Variants in NRXN3 observed in about 807,000 individuals in gnomAD.
NRXN3 encodes neurexin 3.
In NRXN3, 32 loss-of-function variants were observed where a neutral mutation model predicts 137.6. The ratio of observed to expected loss-of-function variants is 0.23; its 90% CI spans 0.18 to 0.31. NRXN3 has a LOEUF of 0.31. NRXN3 is among the 10% of genes least tolerant of loss of function. The pLI is 1.00. For missense variants in NRXN3, 1,574 were observed against 2,062.5 expected, an observed-to-expected ratio of 0.76 and a Z score of 4.59; for synonymous variants, 798 against 784.5, an observed-to-expected ratio of 1.02 and a Z score of -0.29.
intron 20 of NRXN3, among the ~76,000 whole-genome samples, chr14:79,834,490 G>A (rs2099331271): frequency 6.6e-6 from 1 of 152,078 alleles, no homozygotes; most frequent in Non-Finnish European, 1.5e-5. Flanking sequence ...GGACGTCACA[G>A]CTAAAGACAC....
At chr14:79,716,356 C>G (rs1477452822) in intron 19 of NRXN3, among the ~76,000 whole-genome samples, 1 of 152,154 alleles carries the variant, frequency 6.6e-6, no homozygotes, top group Non-Finnish European at 1.5e-5. Flanking sequence ...TTGAACAGAT[C>G]ATATAATGGT....
At chr14:78,734,248 CACACA>C (rs1567176479) in intron 8 of NRXN3, among the ~76,000 whole-genome samples, 416 of 146,592 alleles carry the variant, frequency 2.8e-3, no homozygotes, top group Middle Eastern at 7.1e-3. Flanking sequence ...CACACACACA[CACACA>C]CCCTTTTCAT....
At chr14:78,224,599 A>G in intron 1 of NRXN3, among the ~76,000 whole-genome samples, 1 of 152,156 alleles carries the variant, frequency 6.6e-6, no homozygotes, top group East Asian at 1.9e-4. Flanking sequence ...TTCAAAGGAC[A>G]TGAACTCATC....
intron 15 of NRXN3, among the ~76,000 whole-genome samples, chr14:79,188,086 C>T (rs1056658980): frequency 2.0e-5 from 3 of 152,132 alleles, no homozygotes; most frequent in African/African-American, 7.2e-5. Context: ...TCCCTTATTC[C>T]TTCATTCAAC....
At chr14:79,267,741 C>T (rs956079227) in intron 15 of NRXN3, among the ~76,000 whole-genome samples, 1 of 152,110 alleles carries the variant, frequency 6.6e-6, no homozygotes, top group African/African-American at 2.4e-5. Flanking sequence ...GACTTGGCCT[C>T]CCAAACTGCT....
chr14:79,515,741 A>C (rs2096977365), intron 16 of NRXN3, among the ~76,000 whole-genome samples: 1 of 152,164 alleles, frequency 6.6e-6, no homozygotes, highest in South Asian at 2.1e-4. Flanking sequence ...AGGGGGAAAA[A>C]GTCTCTTTCC....
chr14:79,247,769 C>T (rs1266758065), intron 15 of NRXN3, among the ~76,000 whole-genome samples: 2 of 151,894 alleles, frequency 1.3e-5, no homozygotes, highest in East Asian at 1.9e-4. Flanking sequence ...TATTTTTTAA[C>T]ATGCATTTAT....
At chr14:79,077,782 A>C (rs1289136520) in intron 15 of NRXN3, among the ~76,000 whole-genome samples, 1 of 152,194 alleles carries the variant, frequency 6.6e-6, no homozygotes, top group Non-Finnish European at 1.5e-5. Context: ...TCTGTGGTAT[A>C]ATATTGCACC....
chr14:79,662,753 A>C (rs1443870274), intron 16 of NRXN3, among the ~76,000 whole-genome samples: 1 of 152,082 alleles, frequency 6.6e-6, no homozygotes, highest in East Asian at 1.9e-4. Context: ...AGCAGGAACA[A>C]GAGAGACACA....
At chr14:78,925,817 C>T (rs1397745931) in intron 10 of NRXN3, among the ~76,000 whole-genome samples, 1 of 152,178 alleles carries the variant, frequency 6.6e-6, no homozygotes, top group Non-Finnish European at 1.5e-5. Flanking sequence ...AGACTCCTCC[C>T]TTTCCTAGCT....
intron 15 of NRXN3, among the ~76,000 whole-genome samples, chr14:79,244,898 T>C (rs1052296144): frequency 1.3e-5 from 2 of 152,160 alleles, no homozygotes; most frequent in African/African-American, 4.8e-5. Flanking sequence ...GAAGCCGATA[T>C]CTGTTCAGTG....
Position 79,434,863 on chromosome 14 carries a change from C to T in NRXN3, c.3263-32358C>T, listed in dbSNP as rs56187621. ...TCTGAGATGACCTAAATTGCATAAA[C>T]GGATCTGAGTCTTTGTACCTCCCGT... On this transcript the variant is annotated intron_variant, in intron 15 of 20. Coordinates refer to ENST00000335750, the MANE Select transcript of NRXN3 (RefSeq NM_001330195.2). Among the ~76,000 whole-genome samples, 1,655 of 152,262 alleles carry T rather than the reference C, an allele frequency of 0.011. 92 individuals carry two copies. The East Asian group carries it at 0.17, about 16-fold the overall frequency.
rs147472392 is a variant in NRXN3 at position 78,957,310 on chromosome 14, G to T, written c.2344G>T (p.Val782Leu). 3 of 1,614,028 alleles carry T rather than the reference G, an allele frequency of 1.9e-6. No homozygotes were observed. The Admixed American group carries it at 5.0e-5, about 27-fold the overall frequency. ...CAACGAGTGGCACACCGTTCGGGTG[G>T]TGCGGAGAGGAAAAAGCCTTAAGTT... Reference protein sequence around the residue: ...NDNEWHTVRVVRRGKSLKLTV... With the variant: ...NDNEWHTVRVLRRGKSLKLTV... The change falls in exon 11 of 21, where the codon GTG becomes TTG. Residue 782 changes from valine (V) to leucine (L), a missense_variant. Around this residue, in one of 5 missense-constraint regions of NRXN3, gnomAD observed 718 missense variants for 887.6 expected, o/e 0.81. Coordinates refer to ENST00000335750, the MANE Select transcript of NRXN3 (RefSeq NM_001330195.2).
chr14:79,322,989 G>A (rs185205780), intron 15 of NRXN3, among the ~76,000 whole-genome samples: 6 of 152,300 alleles, frequency 3.9e-5, no homozygotes, highest in Admixed American at 1.3e-4. Context: ...GGCAGGGGAT[G>A]GATGAGGGCT....
At chr14:79,767,564 A>G (rs2099060260) in intron 19 of NRXN3, among the ~76,000 whole-genome samples, 1 of 152,232 alleles carries the variant, frequency 6.6e-6, no homozygotes, top group South Asian at 2.1e-4. Context: ...CATCATCTAT[A>G]CCATCATTAT....
At chr14:78,350,631 T>A (rs1175434216) in intron 4 of NRXN3, among the ~76,000 whole-genome samples, 1 of 152,118 alleles carries the variant, frequency 6.6e-6, no homozygotes, top group Non-Finnish European at 1.5e-5. Flanking sequence ...ACAGTTAGAT[T>A]TGCATTTTTT....
intron 20 of NRXN3, among the ~76,000 whole-genome samples, chr14:79,860,376 TAGTC>T (rs2099411758): frequency 1.3e-5 from 2 of 152,218 alleles, no homozygotes; most frequent in Admixed American, 6.5e-5. Flanking sequence ...TGTCATTTAA[TAGTC>T]AGGGGGATTT....
intron 19 of NRXN3, among the ~76,000 whole-genome samples, chr14:79,799,531 A>G (rs913435389): frequency 9.2e-5 from 14 of 152,198 alleles, no homozygotes; most frequent in African/African-American, 3.1e-4. Context: ...TTCAAGAACA[A>G]CATAGCTCAA....
At chr14:78,638,177 A>G (rs2097582846) in intron 4 of NRXN3, among the ~76,000 whole-genome samples, 1 of 152,176 alleles carries the variant, frequency 6.6e-6, no homozygotes, top group Non-Finnish European at 1.5e-5. Context: ...GGCAGTGTGG[A>G]AAAGTCTATT....
Sources: allele counts gnomAD v4.1 joint callset (sites outside exome capture counted in the v4.1 genomes callset), GRCh38; gene constraint gnomAD v4.1.1; regional missense constraint gnomAD v4.1.1; transcripts MANE v1.5; gene names NCBI Gene and HGNC (gene_info 2026-07-23, HGNC 2026-07-21).